ARMC1: variants seen among roughly 807,000 people sequenced by gnomAD.
ARMC1 encodes armadillo repeat containing 1.
In ARMC1, 16 loss-of-function variants were observed where a neutral mutation model predicts 31.4. The observed-to-expected ratio is 0.51, with a 90% CI of 0.34 to 0.77. ARMC1 has a LOEUF of 0.77. Ranked by LOEUF, ARMC1 falls within the 30% of genes least tolerant of loss-of-function variation. The pLI, the probability that ARMC1 is intolerant of heterozygous loss-of-function variation, is 0.01. For synonymous variants in ARMC1, 114 were observed against 118.9 expected, an observed-to-expected ratio of 0.96 and a Z score of 0.27; for missense variants, 259 against 347.5, an observed-to-expected ratio of 0.75 and a Z score of 2.02.
At chr8:65,609,230 A>G (rs999007148) in intron 4 of ARMC1, among the ~76,000 whole-genome samples, 2 of 148,942 alleles carry the variant, frequency 1.3e-5, no homozygotes, top group African/African-American at 2.5e-5. Context: ...AGCCTCCCAT[A>G]TAGCTGAGAT....
At chr8:65,605,992 G>A (rs1221503801) in intron 4 of ARMC1, among the ~76,000 whole-genome samples, 3 of 152,120 alleles carry the variant, frequency 2.0e-5, no homozygotes, top group East Asian at 1.9e-4. Flanking sequence ...CTAGTTTCAC[G>A]CTAAGGCAGA....
rs536610168 is a variant in ARMC1 at position 65,616,034 on chromosome 8, T to C, written c.276-2601A>G. Among the ~76,000 whole-genome samples the C allele has an allele frequency of 2.6e-5, 4 of 152,364 alleles. No homozygotes were observed. In the South Asian group the frequency reaches 6.2e-4, roughly 24 times the overall value. ...ATACATTTTTTGAAAACCTGGATTA[T>C]TTCAAAACTGTTTAATATGCTTAAT... On this transcript the variant is annotated intron_variant, in intron 3 of 6. Transcript: ENST00000276569.
chr8:65,605,001 G>A (rs912254718), intron 6 of ARMC1, among the ~76,000 whole-genome samples: 28 of 152,162 alleles, frequency 1.8e-4, no homozygotes, highest in African/African-American at 6.5e-4. Context: ...GGATTGTCAG[G>A]ATTAGTTAAG....
chr8:65,612,716 G>C (rs1187366625), intron 4 of ARMC1, among the ~76,000 whole-genome samples: 2 of 151,796 alleles, frequency 1.3e-5, no homozygotes, highest in Non-Finnish European at 2.9e-5. Context: ...ACAAAAATTA[G>C]CCAGGCATGG....
chr8:65,605,660 T>C lies in ARMC1; in HGVS notation c.466-122A>G, dbSNP rs1807986986. On this transcript the variant is annotated intron_variant, in intron 4 of 6. Coordinates refer to ENST00000276569, the MANE Select transcript of ARMC1 (RefSeq NM_018120.6). ...ATGACCTATTTCAGTTTTACCATCTTATTTCAGGGCACAGAGTGGGGGAGT... is the reference window on the plus strand; with the variant it reads ...ATGACCTATTTCAGTTTTACCATCTCATTTCAGGGCACAGAGTGGGGGAGT... 4.2e-6 allele frequency: 3 copies of C among 714,264 alleles called. No individual in the cohort carries two copies. The Admixed American group carries it at 7.3e-5, about 17-fold the overall frequency. The allele number at this position is 714,264 out of a possible 1,614,324, so 44.2% of individuals were successfully genotyped here. A position where few individuals can be genotyped will look rare whatever the true frequency, so the allele number is the denominator to read the frequency against.
At chr8:65,623,379 C>G (rs957667060) in intron 2 of ARMC1, among the ~76,000 whole-genome samples, 1 of 147,618 alleles carries the variant, frequency 6.8e-6, no homozygotes, top group Non-Finnish European at 1.5e-5. Context: ...GAGGCCAAGG[C>G]AGGCCGATCA....
intron 3 of ARMC1, among the ~76,000 whole-genome samples, chr8:65,618,426 G>A (rs1440727909): frequency 1.3e-5 from 2 of 150,926 alleles, no homozygotes; most frequent in Non-Finnish European, 2.9e-5. Context: ...GGAGGCCGAG[G>A]CAGGAGAATG....
chr8:65,612,698 C>T (rs996507770), intron 4 of ARMC1, among the ~76,000 whole-genome samples: 86 of 147,680 alleles, frequency 5.8e-4, no homozygotes, highest in African/African-American at 2.0e-3. Flanking sequence ...CCCATCTCTA[C>T]TAAAAACACA....
chr8:65,615,728 A>G (rs1268082086), intron 3 of ARMC1, among the ~76,000 whole-genome samples: 1 of 151,860 alleles, frequency 6.6e-6, no homozygotes, highest in Non-Finnish European at 1.5e-5. Flanking sequence ...ATGAATAAAT[A>G]AAATAAAATA....
chr8:65,619,240 A>C (rs995224580), intron 3 of ARMC1, among the ~76,000 whole-genome samples: 3 of 152,136 alleles, frequency 2.0e-5, no homozygotes, highest in African/African-American at 7.2e-5. Flanking sequence ...TTAAGCAAAG[A>C]AATTTTAGAG....
chr8:65,606,366 A>G (rs544411976), intron 4 of ARMC1, among the ~76,000 whole-genome samples: 1 of 151,866 alleles, frequency 6.6e-6, no homozygotes, highest in South Asian at 2.1e-4. Flanking sequence ...ATCTCAAAAA[A>G]AAAAAAAAAG....
At chr8:65,629,817 A>T (rs918157149) in intron 1 of ARMC1, among the ~76,000 whole-genome samples, 3 of 118,020 alleles carry the variant, frequency 2.5e-5, no homozygotes, top group Non-Finnish European at 5.4e-5. Context: ...AAAAAAAAAA[A>T]ATCAAAACAA....
chr8:65,632,571 C>T (rs961712632), intron 1 of ARMC1, among the ~76,000 whole-genome samples: 3 of 150,800 alleles, frequency 2.0e-5, no homozygotes, highest in Non-Finnish European at 3.0e-5. Context: ...CGAGATTGTG[C>T]CACTGCACTC....
chr8:65,628,876 G>A (rs181675151), intron 1 of ARMC1, among the ~76,000 whole-genome samples: 8 of 149,020 alleles, frequency 5.4e-5, no homozygotes, highest in African/African-American at 1.5e-4. Flanking sequence ...CATATCGGCC[G>A]GGTGCAGTGG....
In ARMC1 at chr8:65,604,453, C is replaced by T. The variant is rs1807957843; in HGVS notation, c.790G>A (p.Gly264Ser). The T allele has an allele frequency of 6.2e-7, 1 of 1,614,170 alleles. No individual in the cohort carries two copies. The highest frequency in any genetic ancestry group is 8.5e-7 in the Non-Finnish European group (1 of 1,180,034). Residue 264 changes from glycine (G) to serine (S), a missense_variant, in exon 7 of 7, where the codon GGT becomes AGT. Gly to Ser is a moderately conservative substitution (Grantham distance 56). Around this residue, in one of 3 missense-constraint regions of ARMC1, gnomAD observed 73 missense variants for 100.0 expected, o/e 0.73. Transcript: ENST00000276569. ...AVSRVGSHPE[G>S]GASWLSTAAN... The stretch of plus-strand genomic sequence containing the variant: ...GCTGTGCTAAGCCAGCTAGCTCCAC[C>T]TTCTGGGTGTGAGCCGACCCGGGAC...
At chr8:65,610,403 ATAAAATT>A (rs889513010) in intron 4 of ARMC1, among the ~76,000 whole-genome samples, 3 of 151,340 alleles carry the variant, frequency 2.0e-5, no homozygotes, top group African/African-American at 7.3e-5. Flanking sequence ...AGCTGACAAA[ATAAAATT>A]TAAGGCCGGC....
intron 3 of ARMC1, among the ~76,000 whole-genome samples, chr8:65,618,004 C>G (rs540237520): frequency 2.6e-5 from 4 of 152,180 alleles, no homozygotes; most frequent in African/African-American, 9.6e-5. Flanking sequence ...CCACCTCCAC[C>G]TCCCGGGTTC....
rs1808578633 is a variant in ARMC1 at position 65,629,082 on chromosome 8, G to C, written c.-35-1649C>G. Among the ~76,000 whole-genome samples, 3 of 151,416 alleles carry C rather than the reference G, an allele frequency of 2.0e-5. No individual in the cohort carries two copies. In the South Asian group the frequency reaches 6.3e-4, roughly 32 times the overall value. On this transcript the variant is annotated intron_variant, in intron 1 of 6. Coordinates refer to ENST00000276569, the MANE Select transcript of ARMC1 (RefSeq NM_018120.6). ...GGCAGGGAGAACTGACTGAACCTGG[G>C]AAGCGGAGGTTGCAGTGAGCCGAGA...
intron 2 of ARMC1, 138 bp downstream of exon 2, chr8:65,627,078 A>G (rs1048316649): frequency 1.0e-5 from 7 of 697,172 alleles, no homozygotes; most frequent in Non-Finnish European, 1.7e-5. Context: ...CCACACATAC[A>G]TATGTTTGTA....
Sources: gnomAD v4.1 joint callset for allele counts (sites outside exome capture counted in the v4.1 genomes callset) on GRCh38, gnomAD v4.1.1 for gene constraint, gnomAD v4.1.1 regional missense constraint, MANE v1.5 for transcripts, NCBI Gene and HGNC (gene_info 2026-07-23, HGNC 2026-07-21) for gene names.